Variants in CRISPLD2 observed in about 807,000 individuals in gnomAD.
The protein encoded by CRISPLD2 is cysteine rich secretory protein LCCL domain containing 2, also known as cysteine-rich secretory protein LCCL domain-containing 2.
Under a neutral mutation model 71.1 loss-of-function variants are expected in CRISPLD2, and 47 were observed. The ratio of observed to expected loss-of-function variants is 0.66; its 90% CI spans 0.52 to 0.84. The LOEUF (loss-of-function observed/expected upper bound fraction) is 0.84, where lower values mean the gene tolerates loss of function less well. CRISPLD2 is among the 40% of genes least tolerant of loss of function. CRISPLD2 has a pLI of 0.00. For synonymous variants in CRISPLD2, 317 were observed against 250.1 expected (o/e 1.27, Z -2.52); for missense variants, 830 against 651.1 (o/e 1.27, Z -2.99).
At chr16:84,865,543 A>T (rs985560550) in intron 6 of CRISPLD2, among the ~76,000 whole-genome samples, 7 of 152,180 alleles carry the variant, frequency 4.6e-5, no homozygotes, top group African/African-American at 1.7e-4. Context: ...ACCCAAATAC[A>T]TCTGTTGCCT....
intron 1 of CRISPLD2, among the ~76,000 whole-genome samples, chr16:84,837,669 G>A (rs544958339): frequency 4.7e-4 from 71 of 152,168 alleles, no homozygotes; most frequent in African/African-American, 1.4e-3. Context: ...CGCCCGCCTC[G>A]GCCTCCCAAA....
At chr16:84,894,858 A>G (rs1457416392) in intron 14 of CRISPLD2, among the ~76,000 whole-genome samples, 1 of 152,046 alleles carries the variant, frequency 6.6e-6, no homozygotes, top group Non-Finnish European at 1.5e-5. Context: ...TGGCTACTGT[A>G]TTAGACAACT....
Position 84,838,588 on chromosome 16 carries a change from A to G in CRISPLD2, c.93A>G (p.Leu31=), listed in dbSNP as rs1430501615. 6.2e-7 allele frequency: 1 copy of G among 1,614,186 alleles called. No homozygotes were observed. Among genetic ancestry groups the G allele is most frequent in the Non-Finnish European group, 8.5e-7 (1 of 1,180,024 alleles). ...QGYLLPNVTL[L]EELLSKYQHN... ...ACCTCCTGCCCAACGTCACTCTCTT[A>G]GAGGAGCTGCTCAGCAAATACCAGC... The change falls in exon 2 of 15, where the codon TTA becomes TTG. Residue 31 remains leucine, a synonymous_variant. Coordinates refer to ENST00000262424, the MANE Select transcript of CRISPLD2 (RefSeq NM_031476.4).
At chr16:84,898,293 G>T (rs1339649853) in intron 14 of CRISPLD2, among the ~76,000 whole-genome samples, 12 of 152,186 alleles carry the variant, frequency 7.9e-5, no homozygotes, top group Non-Finnish European at 1.5e-5. Flanking sequence ...TCCCCCGCCA[G>T]TGGCTTTCCA....
chr16:84,889,210 A>G lies in CRISPLD2; in HGVS notation c.1306-20A>G. ...AGCTGGAATCCGCATCGCTGATCAC[A>G]GCCCTTCCTGTGCTTCCAGACCTCA... On this transcript the variant is annotated intron_variant, in intron 13 of 14. Transcript: ENST00000262424. 1 of 1,613,952 alleles carries G rather than the reference A, an allele frequency of 6.2e-7. No homozygotes were observed. Among genetic ancestry groups the G allele is most frequent in the Non-Finnish European group, 8.5e-7 (1 of 1,179,900 alleles).
At chr16:84,837,073 C>T (rs183154079) in intron 1 of CRISPLD2, among the ~76,000 whole-genome samples, 1 of 152,334 alleles carries the variant, frequency 6.6e-6, no homozygotes, top group East Asian at 1.9e-4. Context: ...ATCTCGGAGT[C>T]CAGCACAAAA....
chr16:84,868,946 C>T lies in CRISPLD2; in HGVS notation c.914+35C>T, dbSNP rs560521019. The T allele has an allele frequency of 4.3e-5, 64 of 1,500,878 alleles. 1 individual carries two copies. The South Asian group carries it at 7.0e-4, about 16-fold the overall frequency. The allele number at this position is 1,500,878 out of a possible 1,614,324, so 93.0% of individuals were successfully genotyped here. On this transcript the variant is annotated intron_variant, in intron 8 of 14. Coordinates refer to ENST00000262424, the MANE Select transcript of CRISPLD2 (RefSeq NM_031476.4). ...TGCTGGGCTGTCCTGCCACTGTAGCCTCTGAGTCTGTGCTGGGCTGTCCTA... is the reference window on the plus strand; with the variant it reads ...TGCTGGGCTGTCCTGCCACTGTAGCTTCTGAGTCTGTGCTGGGCTGTCCTA...
chr16:84,879,781 C>A (rs1469543717), intron 12 of CRISPLD2, among the ~76,000 whole-genome samples: 3 of 152,194 alleles, frequency 2.0e-5, no homozygotes, highest in Admixed American at 1.3e-4. Flanking sequence ...TTCTTCCTTC[C>A]CATAATCCTG....
Position 84,908,119 on chromosome 16 carries a change from G to A in CRISPLD2, c.*1477G>A, listed in dbSNP as rs2143406658. 6.6e-6 allele frequency: 1 copy of A among 152,256 alleles called. No homozygotes were observed. The highest frequency in any genetic ancestry group is 2.1e-4 in the South Asian group (1 of 4,820). The allele number at this position is 152,256 out of a possible 1,614,324, so 9.4% of individuals were successfully genotyped here. On this transcript the variant is annotated 3_prime_UTR_variant, in exon 15 of 15. Coordinates refer to ENST00000262424, the MANE Select transcript of CRISPLD2 (RefSeq NM_031476.4). ...TAGACTGGACAAGAAATTCTACCTG[G>A]GCACCTAGGTGATGCCTTCTTTCTT...
At chr16:84,851,646 G>A (rs1567687804) in intron 5 of CRISPLD2, among the ~76,000 whole-genome samples, 1 of 152,210 alleles carries the variant, frequency 6.6e-6, no homozygotes, top group Non-Finnish European at 1.5e-5. Flanking sequence ...CCACATGGAT[G>A]AGCGCAGCGG....
intron 14 of CRISPLD2, among the ~76,000 whole-genome samples, chr16:84,892,975 C>CAAAAAA (rs35939092): frequency 3.1e-5 from 2 of 64,942 alleles, no homozygotes; most frequent in Non-Finnish European, 6.0e-5. Flanking sequence ...GACTCCATCT[C>CAAAAAA]AAAAAAAAAA....
intron 14 of CRISPLD2, among the ~76,000 whole-genome samples, chr16:84,900,444 C>T (rs1490224861): frequency 1.3e-5 from 2 of 152,104 alleles, no homozygotes; most frequent in Non-Finnish European, 2.9e-5. Flanking sequence ...ACTCAAACTC[C>T]TTCATCATGA....
intron 12 of CRISPLD2, among the ~76,000 whole-genome samples, chr16:84,878,560 C>T (rs1436985995): frequency 6.6e-6 from 1 of 152,252 alleles, no homozygotes; most frequent in Non-Finnish European, 1.5e-5. Context: ...GGATACGTGA[C>T]AACGGGTTTG....
chr16:84,890,623 C>T (rs1340411534), intron 14 of CRISPLD2, among the ~76,000 whole-genome samples: 1 of 151,504 alleles, frequency 6.6e-6, no homozygotes, highest in African/African-American at 2.4e-5. Flanking sequence ...AGAAGTGGGC[C>T]GGGTGTGATG....
intron 6 of CRISPLD2, among the ~76,000 whole-genome samples, chr16:84,860,758 C>T (rs1917357424): frequency 6.6e-6 from 1 of 152,228 alleles, no homozygotes; most frequent in Non-Finnish European, 1.5e-5. Context: ...AATAAGTAGA[C>T]ACCTAGCGAG....
chr16:84,873,399 G>T lies in CRISPLD2; in HGVS notation c.1112+277G>T, dbSNP rs143647635. On this transcript the variant is annotated intron_variant, in intron 10 of 14. Transcript: ENST00000262424. ...GGAGGCTACGGCAGAAGAACCGCTTGAGGCCGAGGCAGAGGTTGCAGTGAG... is the reference window on the plus strand; with the variant it reads ...GGAGGCTACGGCAGAAGAACCGCTTTAGGCCGAGGCAGAGGTTGCAGTGAG... The T allele has an allele frequency of 3.7e-3, 797 of 215,538 alleles. 4 individuals are homozygous for T. Among genetic ancestry groups the T allele is most frequent in the Non-Finnish European group, 5.7e-3 (624 of 109,214 alleles). 13.4% of individuals were successfully genotyped at this position (215,538 alleles called of 1,614,324 possible).
At chr16:84,867,895 G>GTTCAGCTCCCC (rs1446682534) in intron 7 of CRISPLD2, among the ~76,000 whole-genome samples, 1 of 152,200 alleles carries the variant, frequency 6.6e-6, no homozygotes, top group African/African-American at 2.4e-5. Context: ...CCAGGGTGGA[G>GTTCAGCTCCCC]TTCAGCTCCC....
chr16:84,837,558 A>G (rs1916653424), intron 1 of CRISPLD2, among the ~76,000 whole-genome samples: 1 of 150,396 alleles, frequency 6.6e-6, no homozygotes, highest in South Asian at 2.1e-4. Context: ...CTGGGACTAC[A>G]GGCGCGTGAC....
At position 84,906,766 on chromosome 16, in the gene CRISPLD2, C is replaced by T. The variant is rs1226243488; in HGVS notation, c.*124C>T. On this transcript the variant is annotated 3_prime_UTR_variant, in exon 15 of 15. Transcript: ENST00000262424. ...ACTTCCTTTGACTGATGTTCAGTGT[C>T]CATCACTTTGTGGCCTGTGGGTGAG... 1.8e-6 allele frequency: 2 copies of T among 1,113,270 alleles called. No homozygotes were observed. The highest frequency in any genetic ancestry group is 2.7e-6 in the Non-Finnish European group (2 of 734,978). The allele number at this position is 1,113,270 out of a possible 1,614,324, so 69.0% of individuals were successfully genotyped here.
Sources: allele counts gnomAD v4.1 joint callset (sites outside exome capture counted in the v4.1 genomes callset), GRCh38; gene constraint gnomAD v4.1.1; transcripts MANE v1.5; gene names NCBI Gene and HGNC (gene_info 2026-07-23, HGNC 2026-07-21).